Variants in HIVEP2 observed in about 807,000 individuals in gnomAD.
HIVEP2 encodes the protein HIVEP zinc finger 2.
In HIVEP2, 14 loss-of-function variants were observed where a neutral mutation model predicts 180.7. The observed-to-expected ratio is 0.08, with a 90% CI of 0.05 to 0.12. The LOEUF is 0.12. HIVEP2 is among the 10% of genes least tolerant of loss of function. HIVEP2 has a pLI of 1.00. For synonymous variants in HIVEP2, 1,184 were observed against 1,136.4 expected, an observed-to-expected ratio of 1.04 and a Z score of -0.84; for missense variants, 2,579 against 3,008.5, an observed-to-expected ratio of 0.86 and a Z score of 3.34.
chr6:142,941,731 A>C (rs1187675391), intron 1 of HIVEP2, among the ~76,000 whole-genome samples: 2 of 152,222 alleles, frequency 1.3e-5, no homozygotes, highest in African/African-American at 4.8e-5. Context: ...TCCTTTTTAT[A>C]ATATCACTTT....
At position 142,774,618 on chromosome 6, in the gene HIVEP2, T is replaced by G. The variant is rs1225792161; in HGVS notation, c.121A>C (p.Ser41Arg). ...TGTGGTTGCCGCTGTCCTTCATGAC[T>G]GCCAAAAGTGCTCATCTTAATAACA... ...SAVIKMSTFGSHEGQRQPQIE... is the reference protein window; with the variant it reads ...SAVIKMSTFGRHEGQRQPQIE... Residue 41 changes from serine (S) to arginine (R), a missense_variant, in exon 5 of 10, where the codon AGT becomes CGT. Physicochemically the swap from Ser to Arg is moderately radical, Grantham distance 110. Coordinates refer to ENST00000367603, the MANE Select transcript of HIVEP2 (RefSeq NM_006734.4). This position sits in a 1 kb window ranked among gnomAD's most constrained non-coding sequence, Gnocchi z 5.1. The G allele has an allele frequency of 6.2e-7, 1 of 1,614,256 alleles. No individual in the cohort carries two copies. The highest frequency in any genetic ancestry group is 1.1e-5 in the South Asian group (1 of 91,080).
chr6:142,795,536 C>T (rs1001078309), intron 2 of HIVEP2, among the ~76,000 whole-genome samples: 8 of 152,056 alleles, frequency 5.3e-5, no homozygotes, highest in Non-Finnish European at 7.4e-5. Context: ...TCACTGAGGG[C>T]CTTAGATAAG....
chr6:142,863,394 T>A (rs1442837171), intron 1 of HIVEP2, among the ~76,000 whole-genome samples: 2 of 152,018 alleles, frequency 1.3e-5, no homozygotes, highest in Admixed American at 6.6e-5. Flanking sequence ...TATTTCAAAA[T>A]CTCAGATTCT....
chr6:142,801,091 C>T (rs1004279831), intron 2 of HIVEP2, among the ~76,000 whole-genome samples: 3 of 149,568 alleles, frequency 2.0e-5, no homozygotes, highest in Non-Finnish European at 4.4e-5. Context: ...TGTGATGGCT[C>T]GGCTTGCCCT....
At chr6:142,781,657 G>A (rs905645830) in intron 3 of HIVEP2, among the ~76,000 whole-genome samples, 8 of 152,180 alleles carry the variant, frequency 5.3e-5, no homozygotes, top group Admixed American at 1.3e-4. Flanking sequence ...GAACTGAAGC[G>A]AAAGAAAATG....
intron 1 of HIVEP2, among the ~76,000 whole-genome samples, chr6:142,900,580 C>G (rs561956744): frequency 1.6e-4 from 24 of 152,298 alleles, no homozygotes; most frequent in Admixed American, 2.0e-4. Context: ...CAAGTGCCCC[C>G]CTGAGACACA....
At position 142,833,782 on chromosome 6, in the gene HIVEP2, A is replaced by G. The variant is rs547287203; in HGVS notation, c.-528+3153T>C. 3.1e-4 allele frequency among the ~76,000 whole-genome samples: 47 copies of G among 152,368 alleles called. No homozygotes were observed. The South Asian group carries it at 9.7e-3, about 32-fold the overall frequency. The stretch of plus-strand genomic sequence containing the variant: ...CACTCACCTAAGCTAGAATAGCAAA[A>G]CAAAGGGCAGTCTTTGTAAGGAGGC... On this transcript the variant is annotated intron_variant, in intron 2 of 9. Coordinates refer to ENST00000367603, the MANE Select transcript of HIVEP2 (RefSeq NM_006734.4).
chr6:142,862,518 C>T lies in HIVEP2; in HGVS notation c.-640-25471G>A, dbSNP rs1210127905. 3.3e-5 allele frequency among the ~76,000 whole-genome samples: 4 copies of T among 119,608 alleles called. 1 individual carries two copies. The highest frequency in any genetic ancestry group is 4.5e-5 in the African/African-American group (1 of 22,012). 78.5% of individuals were successfully genotyped at this position (119,608 alleles called of 152,430 possible). A position where few individuals can be genotyped will look rare whatever the true frequency, so the allele number is the denominator to read the frequency against. On this transcript the variant is annotated intron_variant, in intron 1 of 9. Coordinates refer to ENST00000367603, the MANE Select transcript of HIVEP2 (RefSeq NM_006734.4). ...TATATGTATCATATATTTTATAATA[C>T]ATATAATCGATTATGTGTATCATAT... is the stretch of plus-strand genomic sequence containing the variant.
intron 9 of HIVEP2, 76 bp downstream of exon 9, chr6:142,759,696 C>T (rs2114608262): frequency 8.5e-7 from 1 of 1,171,384 alleles, no homozygotes; most frequent in Non-Finnish European, 1.2e-6. Flanking sequence ...TTCTACTAAA[C>T]TTCACACCAG....
In HIVEP2 at chr6:142,769,890, C is replaced by T. The variant is rs761966915; in HGVS notation, c.4849G>A (p.Gly1617Arg). The change falls in exon 5 of 10, where the codon GGG becomes AGG. Residue 1617 changes from glycine to arginine, a missense_variant. By Grantham distance (125) the Gly-to-Arg change is moderately radical. Transcript: ENST00000367603. ...AGAAGAGTTGAGTCTGCCACGTTCCCGCTGGGGGCAGAGGCCATGCGGACC... is the reference window on the plus strand; with the variant it reads ...AGAAGAGTTGAGTCTGCCACGTTCCTGCTGGGGGCAGAGGCCATGCGGACC... ...MLVRMASAPS[G>R]NVADSTLLLT... 3.1e-6 allele frequency: 5 copies of T among 1,613,952 alleles called. No individual in the cohort carries two copies. The highest frequency in any genetic ancestry group is 1.1e-5 in the South Asian group (1 of 91,086).
chr6:142,844,210 G>A (rs1000223392), intron 1 of HIVEP2, among the ~76,000 whole-genome samples: 7 of 151,552 alleles, frequency 4.6e-5, no homozygotes, highest in Non-Finnish European at 7.4e-5. Flanking sequence ...CCCACAATAC[G>A]TTGGGTATTG....
chr6:142,760,576 A>G lies in HIVEP2; in HGVS notation c.5712T>C (p.Asp1904=). 1 of 1,613,474 alleles carries G rather than the reference A, an allele frequency of 6.2e-7. No homozygotes were observed. The highest frequency in any genetic ancestry group is 2.2e-5 in the East Asian group (1 of 44,860). ...CATCATTATCATCTCCATCCTCACC[A>G]TCTGATTCCTCAGCATCGGAGAACT... ...DHQFSDAEES[D]GEDGDDNDDD... The change falls in exon 9 of 10, where the codon GAT becomes GAC. Residue 1904 remains aspartate, a synonymous_variant. Coordinates refer to ENST00000367603, the MANE Select transcript of HIVEP2 (RefSeq NM_006734.4).
intron 1 of HIVEP2, among the ~76,000 whole-genome samples, chr6:142,937,395 T>TG (rs1320766904): frequency 1.3e-5 from 2 of 152,344 alleles, no homozygotes; most frequent in Admixed American, 6.5e-5. Context: ...GTTTACTATG[T>TG]GCTCATTGAG....
rs369617975 is a variant in HIVEP2 at position 142,770,781 on chromosome 6, A to G, written c.3958T>C (p.Ser1320Pro). Residue 1320 changes from serine (S) to proline (P), a missense_variant, in exon 5 of 10, where the codon TCG becomes CCG. By Grantham distance (74) the Ser-to-Pro change is moderately conservative. This residue lies in a region of HIVEP2 where 523 missense variants were observed against 577.0 expected (regional missense o/e 0.91). Coordinates refer to ENST00000367603, the MANE Select transcript of HIVEP2 (RefSeq NM_006734.4). The surrounding 1 kb of genome is among the most constrained non-coding windows in gnomAD (Gnocchi z 4.7). ...GACTGCAAAGACCCAGCATTTGCCG[A>G]GGCAAAATCTTCTTGAAGAACCTGC... Reference protein sequence around the residue: ...SEQVLQEDFASANAGSLQSLP... With the variant: ...SEQVLQEDFAPANAGSLQSLP... The G allele has an allele frequency of 1.2e-5, 20 of 1,614,198 alleles. No individual in the cohort carries two copies. The highest frequency in any genetic ancestry group is 1.6e-5 in the Non-Finnish European group (19 of 1,180,040).
At chr6:142,832,370 A>C (rs1775111562) in intron 2 of HIVEP2, among the ~76,000 whole-genome samples, 1 of 152,202 alleles carries the variant, frequency 6.6e-6, no homozygotes, top group Admixed American at 6.5e-5. Flanking sequence ...GGAAAACTTC[A>C]CATAAATTAC....
At chr6:142,892,429 GA>G (rs1267692353) in intron 1 of HIVEP2, among the ~76,000 whole-genome samples, 1 of 152,108 alleles carries the variant, frequency 6.6e-6, no homozygotes, top group Non-Finnish European at 1.5e-5. Flanking sequence ...TAAGCAACCT[GA>G]CCCCCCAAGA....
chr6:142,832,223 A>G (rs1775107830), intron 2 of HIVEP2, among the ~76,000 whole-genome samples: 1 of 151,672 alleles, frequency 6.6e-6, no homozygotes, highest in Non-Finnish European at 1.5e-5. Flanking sequence ...ACAAAAAACA[A>G]AAACAAACAA....
At chr6:142,811,777 C>A (rs1776705817) in intron 2 of HIVEP2, among the ~76,000 whole-genome samples, 1 of 152,156 alleles carries the variant, frequency 6.6e-6, no homozygotes, top group Non-Finnish European at 1.5e-5. Context: ...CCTAACAGTG[C>A]CTTTAATTCT....
intron 7 of HIVEP2, among the ~76,000 whole-genome samples, chr6:142,762,807 G>A (rs1437594926): frequency 1.3e-4 from 20 of 151,958 alleles, no homozygotes; most frequent in Admixed American, 1.3e-3. Context: ...TTTACTTATT[G>A]CTTATATACT....
Sources: gnomAD v4.1 joint callset for allele counts (sites outside exome capture counted in the v4.1 genomes callset) on GRCh38, gnomAD v4.1.1 for gene constraint, gnomAD v4.1.1 regional missense constraint, Gnocchi (gnomAD v3.1) non-coding constraint, MANE v1.5 for transcripts, NCBI Gene and HGNC (gene_info 2026-07-23, HGNC 2026-07-21) for gene names.